The following EPSTI1 variants were observed in gnomAD, a reference collection of about 807,000 sequenced individuals.
EPSTI1 encodes epithelial stromal interaction 1, also known as epithelial-stromal interaction protein 1.
In EPSTI1, 66 loss-of-function variants were observed where a neutral mutation model predicts 49.9. The ratio of observed to expected loss-of-function variants is 1.32; its 90% CI spans 1.08 to 1.62. The LOEUF (loss-of-function observed/expected upper bound fraction) is 1.62. Ranked by LOEUF, EPSTI1 falls within the 40% of genes most tolerant of loss-of-function variation. EPSTI1 has a pLI of 0.00. For missense variants in EPSTI1, 394 were observed against 365.5 expected, an observed-to-expected ratio of 1.08 and a Z score of -0.64; for synonymous variants, 137 against 130.7, an observed-to-expected ratio of 1.05 and a Z score of -0.33.
At chr13:42,973,489 G>T in intron 1 of EPSTI1, among the ~76,000 whole-genome samples, 1 of 152,166 alleles carries the variant, frequency 6.6e-6, no homozygotes, top group East Asian at 1.9e-4. Context: ...TCCCAAGAAA[G>T]CATTGCCAAG....
chr13:42,890,510 G>C (rs1192716858), intron 10 of EPSTI1, among the ~76,000 whole-genome samples: 7 of 151,998 alleles, frequency 4.6e-5, no homozygotes, highest in Non-Finnish European at 8.8e-5. Flanking sequence ...TTGTTAGCCA[G>C]GATGGTCTCG....
Position 42,900,390 on chromosome 13 carries a change from A to G in EPSTI1, c.742-7T>C, listed in dbSNP as rs1358885128. On this transcript the variant is annotated splice_polypyrimidine_tract_variant and splice_region_variant and intron_variant, in intron 8 of 10. Coordinates refer to ENST00000313624, the MANE Select transcript of EPSTI1 (RefSeq NM_033255.5). ...TCAGTTCCAGTAATTCACTCTAGGA[A>G]CAATAAAAGTTTTAAAATATGGTTT... is the stretch of plus-strand genomic sequence containing the variant. 1 of 1,613,310 alleles carries G rather than the reference A, an allele frequency of 6.2e-7. No individual in the cohort carries two copies. The highest frequency in any genetic ancestry group is 8.5e-7 in the Non-Finnish European group (1 of 1,179,490).
rs1237382587 is a variant in EPSTI1 at position 42,988,743 on chromosome 13, AAAG to A, written c.188+3232_188+3234del. ...GAGACTCTGTCTCAAAAAAAAAAAA[AAAG>A]AACTCAATCTTGTCTGAGAGTCTAT... On this transcript the variant is annotated intron_variant, in intron 1 of 10. Coordinates refer to ENST00000313624, the MANE Select transcript of EPSTI1 (RefSeq NM_033255.5). Among the ~76,000 whole-genome samples, 664 of 152,144 alleles carry A rather than the reference AAAG, an allele frequency of 4.4e-3. 4 individuals are homozygous for A. The highest frequency in any genetic ancestry group is 0.015 in the African/African-American group (607 of 41,462).
chr13:42,908,928 C>CA (rs60335271), intron 8 of EPSTI1, among the ~76,000 whole-genome samples: 28,136 of 133,188 alleles, frequency 0.21, 3,069 homozygotes, highest in East Asian at 0.49. Flanking sequence ...ACTAAAAATA[C>CA]AAAAAAAAAA....
chr13:42,930,590 TAATC>T, intron 6 of EPSTI1, among the ~76,000 whole-genome samples: 1 of 151,948 alleles, frequency 6.6e-6, no homozygotes, highest in South Asian at 2.1e-4. Flanking sequence ...ACTTTGTGCT[TAATC>T]AAAGTAATCA....
intron 5 of EPSTI1, 71 bp from the exon 6 acceptor site, chr13:42,954,092 C>T: frequency 2.2e-6 from 3 of 1,357,332 alleles, no homozygotes; most frequent in East Asian, 2.4e-5. Context: ...TAAAGTTACC[C>T]AAGGTCCAAA....
intron 3 of EPSTI1, among the ~76,000 whole-genome samples, chr13:42,964,436 G>A (rs2153431516): frequency 6.6e-6 from 1 of 152,238 alleles, no homozygotes; most frequent in East Asian, 1.9e-4. Context: ...ATACCTAAAG[G>A]TCTGTGCTAA....
At chr13:42,916,788 C>A (rs2037842704) in intron 8 of EPSTI1, among the ~76,000 whole-genome samples, 1 of 152,098 alleles carries the variant, frequency 6.6e-6, no homozygotes. Context: ...TTAGCTGGAG[C>A]CCCACCCCAC....
At chr13:42,968,326 G>C (rs893712267) in intron 3 of EPSTI1, among the ~76,000 whole-genome samples, 2 of 146,740 alleles carry the variant, frequency 1.4e-5, no homozygotes, top group Admixed American at 6.6e-5. Flanking sequence ...TGTTCTTGGT[G>C]GGGGGGCAGG....
chr13:42,961,681 G>T (rs1391024537), intron 5 of EPSTI1, among the ~76,000 whole-genome samples: 2 of 152,226 alleles, frequency 1.3e-5, no homozygotes, highest in African/African-American at 2.4e-5. Context: ...TGCACACAGA[G>T]ATGACGACCA....
chr13:42,920,492 A>C (rs543851611), intron 7 of EPSTI1, among the ~76,000 whole-genome samples: 1 of 152,308 alleles, frequency 6.6e-6, no homozygotes, highest in East Asian at 1.9e-4. Context: ...TTCTCTCCAC[A>C]GAGCAACATG....
At chr13:42,902,089 A>C (rs1200653162) in intron 8 of EPSTI1, among the ~76,000 whole-genome samples, 1 of 152,160 alleles carries the variant, frequency 6.6e-6, no homozygotes, top group African/African-American at 2.4e-5. Context: ...CCTACAAAGG[A>C]CATGAACTCA....
Position 42,939,039 on chromosome 13 carries a change from A to G in EPSTI1, c.564-12610T>C, listed in dbSNP as rs191768413. Reference sequence around the variant, plus strand: ...CTACTTCACATTGCATGTTTATATTATGGAGCTGGCTTCTTCCCTTAAACC... The same window carrying G: ...CTACTTCACATTGCATGTTTATATTGTGGAGCTGGCTTCTTCCCTTAAACC... On this transcript the variant is annotated intron_variant, in intron 6 of 10. Coordinates refer to ENST00000313624, the MANE Select transcript of EPSTI1 (RefSeq NM_033255.5). Among the ~76,000 whole-genome samples the G allele has an allele frequency of 2.8e-4, 42 of 151,408 alleles. No homozygotes were observed. In the East Asian group the frequency reaches 7.2e-3, roughly 26 times the overall value.
chr13:42,949,762 G>A (rs948726912), intron 6 of EPSTI1, among the ~76,000 whole-genome samples: 4 of 151,912 alleles, frequency 2.6e-5, no homozygotes, highest in African/African-American at 9.7e-5. Flanking sequence ...AAATGAATCT[G>A]TCCTGCTTCA....
At chr13:42,990,210 A>G (rs1214547643) in intron 1 of EPSTI1, among the ~76,000 whole-genome samples, 4 of 151,366 alleles carry the variant, frequency 2.6e-5, no homozygotes, top group African/African-American at 9.7e-5. Flanking sequence ...TCTGTGAGAG[A>G]TAACTAAACA....
chr13:42,905,334 A>G (rs1659964773), intron 8 of EPSTI1, among the ~76,000 whole-genome samples: 1 of 152,202 alleles, frequency 6.6e-6, no homozygotes, highest in Admixed American at 6.5e-5. Flanking sequence ...CGCTGCACTC[A>G]GGATTATTAT....
At chr13:42,895,381 C>A (rs775715853) in intron 9 of EPSTI1, among the ~76,000 whole-genome samples, 1 of 152,222 alleles carries the variant, frequency 6.6e-6, no homozygotes, top group Non-Finnish European at 1.5e-5. Context: ...TTCAGCAAGA[C>A]CCTAGTTCAA....
chr13:42,980,742 A>G (rs2039973374), intron 1 of EPSTI1, among the ~76,000 whole-genome samples: 1 of 151,794 alleles, frequency 6.6e-6, no homozygotes, highest in African/African-American at 2.4e-5. Context: ...AAAGAGTGCA[A>G]TCTGTACTTT....
At chr13:42,911,426 T>C (rs1367494190) in intron 8 of EPSTI1, among the ~76,000 whole-genome samples, 2 of 152,216 alleles carry the variant, frequency 1.3e-5, no homozygotes, top group Non-Finnish European at 2.9e-5. Context: ...CCTTGAAAAT[T>C]TGAAGGAACT....
Sources: allele counts gnomAD v4.1 joint callset (sites outside exome capture counted in the v4.1 genomes callset), GRCh38; gene constraint gnomAD v4.1.1; transcripts MANE v1.5; gene names NCBI Gene and HGNC (gene_info 2026-07-23, HGNC 2026-07-21).